HSD17B3: variants seen among roughly 807,000 people sequenced by gnomAD.
HSD17B3 encodes hydroxysteroid 17-beta dehydrogenase 3.
In HSD17B3, 29 loss-of-function variants were observed where a neutral mutation model predicts 41.1. The observed-to-expected ratio is 0.71, with a 90% CI of 0.53 to 0.96. HSD17B3 has a LOEUF of 0.96. Ranked by LOEUF, HSD17B3 falls within the 40% of genes least tolerant of loss-of-function variation. The pLI is 0.00. For missense variants in HSD17B3, 323 were observed against 374.6 expected (o/e 0.86, Z 1.14); for synonymous variants, 126 against 145.6 (o/e 0.87, Z 0.97).
intron 2 of HSD17B3, 29 bp downstream of exon 2, chr9:96,298,387 A>G: frequency 1.3e-6 from 2 of 1,587,894 alleles, no homozygotes; most frequent in South Asian, 1.1e-5. Context: ...AATACAAGGG[A>G]GGAGAAAGTC....
intron 2 of HSD17B3, among the ~76,000 whole-genome samples, chr9:96,256,874 T>C (rs1825681611): frequency 3.3e-5 from 5 of 151,672 alleles, no homozygotes; most frequent in Non-Finnish European, 7.4e-5. Flanking sequence ...TAATCCCCAA[T>C]GTTGGAGGTG....
intron 2 of HSD17B3, among the ~76,000 whole-genome samples, chr9:96,277,335 T>TCAAACTATA (rs1260814052): frequency 1.3e-5 from 2 of 152,194 alleles, no homozygotes; most frequent in African/African-American, 4.8e-5. Flanking sequence ...GGATTGATAT[T>TCAAACTATA]CAAACTATAT....
chr9:96,236,992 G>A (rs1459285331), intron 10 of HSD17B3, among the ~76,000 whole-genome samples: 1 of 152,158 alleles, frequency 6.6e-6, no homozygotes, highest in Non-Finnish European at 1.5e-5. Context: ...ATTCCTCTGA[G>A]ATATTTGAAG....
intron 2 of HSD17B3, among the ~76,000 whole-genome samples, chr9:96,290,113 T>C (rs1242703718): frequency 6.6e-6 from 1 of 152,048 alleles, no homozygotes; most frequent in Non-Finnish European, 1.5e-5. Context: ...AGCAGTGGCT[T>C]CAGAGGTATG....
chr9:96,236,813 ACCC>A (rs1180346620), intron 10 of HSD17B3, among the ~76,000 whole-genome samples: 1 of 152,012 alleles, frequency 6.6e-6, no homozygotes, highest in African/African-American at 2.4e-5. Context: ...GGGGTCCAGG[ACCC>A]CAGAAGCAAT....
intron 2 of HSD17B3, among the ~76,000 whole-genome samples, chr9:96,288,624 C>A (rs1461234748): frequency 6.6e-6 from 1 of 151,860 alleles, no homozygotes; most frequent in Non-Finnish European, 1.5e-5. Context: ...CCACCACCAC[C>A]ATCTCTACAA....
intron 2 of HSD17B3, among the ~76,000 whole-genome samples, chr9:96,298,032 C>T (rs1409068945): frequency 1.3e-5 from 2 of 152,068 alleles, no homozygotes; most frequent in African/African-American, 4.8e-5. Flanking sequence ...ATATGTTTTG[C>T]CTAAGCAAGT....
At chr9:96,240,947 A>G in intron 9 of HSD17B3, 40 bp from the exon 10 acceptor site, 1 of 1,612,860 alleles carries the variant, frequency 6.2e-7, no homozygotes, top group Non-Finnish European at 8.5e-7. Flanking sequence ...GAAGCAATCC[A>G]CCCCAGGAAG....
intron 2 of HSD17B3, among the ~76,000 whole-genome samples, chr9:96,289,192 G>T (rs1034408556): frequency 4.7e-5 from 7 of 148,124 alleles, no homozygotes; most frequent in Non-Finnish European, 1.0e-4. Context: ...TTGATTTCCT[G>T]GTGTGTGTGT....
intron 2 of HSD17B3, among the ~76,000 whole-genome samples, chr9:96,271,496 C>G (rs375358943): frequency 6.6e-6 from 1 of 152,170 alleles, no homozygotes; most frequent in East Asian, 1.9e-4. Context: ...GGGTTGGCCA[C>G]AGAACTGAGC....
At chr9:96,263,900 A>G (rs1383210174) in intron 2 of HSD17B3, among the ~76,000 whole-genome samples, 1 of 152,174 alleles carries the variant, frequency 6.6e-6, no homozygotes, top group Non-Finnish European at 1.5e-5. Context: ...ATTGTACACC[A>G]TGTATACATG....
chr9:96,282,273 A>G (rs541283867), intron 2 of HSD17B3, among the ~76,000 whole-genome samples: 23 of 152,190 alleles, frequency 1.5e-4, no homozygotes, highest in African/African-American at 4.8e-4. Flanking sequence ...GATATAAAAG[A>G]GCTTTGATTA....
chr9:96,244,306 G>T (rs1836569418), intron 9 of HSD17B3, 23 bp downstream of exon 9: 5 of 1,612,396 alleles, frequency 3.1e-6, no homozygotes, highest in Non-Finnish European at 2.5e-6. Context: ...TGATGACAAG[G>T]ACTCCACAGC....
chr9:96,290,597 G>A (rs1219217353), intron 2 of HSD17B3, among the ~76,000 whole-genome samples: 1 of 151,592 alleles, frequency 6.6e-6, no homozygotes, highest in Admixed American at 6.6e-5. Flanking sequence ...ACTTTCGGAT[G>A]CCAAGGCAGG....
intron 2 of HSD17B3, among the ~76,000 whole-genome samples, chr9:96,260,580 T>C (rs1215470660): frequency 6.6e-6 from 1 of 152,070 alleles, no homozygotes; most frequent in Non-Finnish European, 1.5e-5. Flanking sequence ...GTCAACATGG[T>C]GAAACGCCAT....
chr9:96,301,813 G>T, intron 1 of HSD17B3, 138 bp downstream of exon 1: 1 of 879,066 alleles, frequency 1.1e-6, no homozygotes, highest in Non-Finnish European at 1.8e-6. Flanking sequence ...CCCGGGAAGC[G>T]GAGGTTGCAG....
chr9:96,278,092 AT>A (rs1210926816), intron 2 of HSD17B3, among the ~76,000 whole-genome samples: 3 of 152,212 alleles, frequency 2.0e-5, no homozygotes, highest in African/African-American at 7.2e-5. Flanking sequence ...GGAGGGGTAA[AT>A]GGTGAGATGT....
chr9:96,260,171 T>A (rs141240302), intron 2 of HSD17B3, among the ~76,000 whole-genome samples: 133 of 152,350 alleles, frequency 8.7e-4, no homozygotes, highest in African/African-American at 3.1e-3. Flanking sequence ...ATTGCTTTTT[T>A]AATAAACTGC....
At chr9:96,267,143 A>G (rs2130754117) in intron 2 of HSD17B3, among the ~76,000 whole-genome samples, 1 of 139,428 alleles carries the variant, frequency 7.2e-6, no homozygotes, top group Admixed American at 7.7e-5. Flanking sequence ...GAACAGCGCC[A>G]GGCAAAAGAC....
Sources: gnomAD v4.1 joint callset for allele counts (sites outside exome capture counted in the v4.1 genomes callset) on GRCh38, gnomAD v4.1.1 for gene constraint, MANE v1.5 for transcripts, NCBI Gene and HGNC (gene_info 2026-07-23, HGNC 2026-07-21) for gene names.